Variants in PRKCH observed in about 807,000 individuals in gnomAD.
PRKCH encodes the protein protein kinase C eta type.
Under a neutral mutation model 82.5 loss-of-function variants are expected in PRKCH, and 28 were observed. The observed-to-expected ratio is 0.34, with a 90% CI of 0.25 to 0.47. The LOEUF is 0.47. PRKCH is among the 20% of genes least tolerant of loss of function. The pLI is 1.00. For synonymous variants in PRKCH, 322 were observed against 327.4 expected (o/e 0.98, Z 0.18); for missense variants, 705 against 881.8 (o/e 0.80, Z 2.54).
At chr14:61,548,054 G>C (rs1038411639) in intron 13 of PRKCH, among the ~76,000 whole-genome samples, 168 bp downstream of exon 13, 5 of 152,170 alleles carry the variant, frequency 3.3e-5, no homozygotes, top group Non-Finnish European at 7.4e-5. Flanking sequence ...CTTGTCCATG[G>C]GACAACAATG....
chr14:61,517,717 T>C (rs990884131), intron 10 of PRKCH, among the ~76,000 whole-genome samples: 1 of 152,248 alleles, frequency 6.6e-6, no homozygotes, highest in Non-Finnish European at 1.5e-5. Flanking sequence ...CCATCTGTCC[T>C]TGCCCATGCT....
chr14:61,472,474 G>A (rs922272362), intron 9 of PRKCH, among the ~76,000 whole-genome samples: 1 of 152,196 alleles, frequency 6.6e-6, no homozygotes, highest in Non-Finnish European at 1.5e-5. Flanking sequence ...TTCCCAACCA[G>A]CATGGGAAAA....
intron 2 of PRKCH, among the ~76,000 whole-genome samples, chr14:61,440,532 T>C (rs1190833690): frequency 6.6e-6 from 1 of 152,250 alleles, no homozygotes; most frequent in Non-Finnish European, 1.5e-5. Context: ...AGATCTATTG[T>C]GTAGACTCTA....
chr14:61,230,878 A>G (rs2044737751), intron 1 of PRKCH, among the ~76,000 whole-genome samples: 1 of 152,254 alleles, frequency 6.6e-6, no homozygotes, highest in Non-Finnish European at 1.5e-5. Flanking sequence ...TGAATTACTT[A>G]GTATGGTTGA....
intron 2 of PRKCH, among the ~76,000 whole-genome samples, chr14:61,423,848 A>G (rs1882980179): frequency 6.6e-6 from 1 of 152,182 alleles, no homozygotes; most frequent in Non-Finnish European, 1.5e-5. Flanking sequence ...TTTTAAATAT[A>G]ATAACTGATA....
Position 61,380,006 on chromosome 14 carries a change from G to A in PRKCH, c.364-11219G>A, listed in dbSNP as rs142562471. Among the ~76,000 whole-genome samples the A allele has an allele frequency of 2.7e-3, 408 of 152,198 alleles. 2 individuals carry two copies. The highest frequency in any genetic ancestry group is 0.01 in the Middle Eastern group (3 of 294). On this transcript the variant is annotated intron_variant, in intron 1 of 13. Coordinates refer to ENST00000332981, the MANE Select transcript of PRKCH (RefSeq NM_006255.5). ...GTCTCCTTTGCCATGAGGTCCCTAG[G>A]GACGTCTTATCAGAGGAGAAGAAAA...
intron 1 of PRKCH, among the ~76,000 whole-genome samples, chr14:61,328,518 G>A (rs1407314134): frequency 6.6e-6 from 1 of 150,498 alleles, no homozygotes; most frequent in Non-Finnish European, 1.5e-5. Context: ...AGGTTGGTGG[G>A]TGGAACGTGA....
At chr14:61,412,743 C>T (rs2140234446) in intron 2 of PRKCH, among the ~76,000 whole-genome samples, 1 of 152,352 alleles carries the variant, frequency 6.6e-6, no homozygotes, top group East Asian at 1.9e-4. Context: ...AAAACTTTTA[C>T]ACCTGAAAGC....
chr14:61,378,765 C>T (rs2046459319), intron 1 of PRKCH, among the ~76,000 whole-genome samples: 1 of 152,176 alleles, frequency 6.6e-6, no homozygotes, highest in Admixed American at 6.5e-5. Flanking sequence ...TTCTCTTTCA[C>T]CTCCACCCTA....
At chr14:61,480,720 T>A (rs1336453378) in intron 9 of PRKCH, among the ~76,000 whole-genome samples, 1 of 152,154 alleles carries the variant, frequency 6.6e-6, no homozygotes, top group African/African-American at 2.4e-5. Flanking sequence ...ACCCTGCACT[T>A]CTCATTTGTG....
At chr14:61,547,451 G>A (rs1175820681) in intron 12 of PRKCH, among the ~76,000 whole-genome samples, 1 of 152,162 alleles carries the variant, frequency 6.6e-6, no homozygotes, top group African/African-American at 2.4e-5. Context: ...TTTCTTTAAA[G>A]AGGAAAGAAA....
chr14:61,483,394 G>GT (rs1419494929), intron 9 of PRKCH, among the ~76,000 whole-genome samples: 4 of 152,218 alleles, frequency 2.6e-5, no homozygotes, highest in African/African-American at 9.6e-5. Context: ...ATGGCTTGCT[G>GT]TATTTACATA....
intron 1 of PRKCH, among the ~76,000 whole-genome samples, chr14:61,296,058 A>T (rs544208880): frequency 6.6e-6 from 1 of 152,348 alleles, no homozygotes; most frequent in African/African-American, 2.4e-5. Flanking sequence ...AATCAGTAAA[A>T]TACCAGTTTC....
At position 61,328,848 on chromosome 14, in the gene PRKCH, T is replaced by C. The variant is rs146141728; in HGVS notation, c.363+6384T>C. Among the ~76,000 whole-genome samples the C allele has an allele frequency of 3.3e-3, 507 of 152,032 alleles. 1 individual carries two copies. The highest frequency in any genetic ancestry group is 0.011 in the African/African-American group (462 of 41,446). ...ACAAAAAAATAAAATTAGCCAGGCATGGTAGCACATGCCTCTAGTCCCAGC... is the reference window on the plus strand; with the variant it reads ...ACAAAAAAATAAAATTAGCCAGGCACGGTAGCACATGCCTCTAGTCCCAGC... On this transcript the variant is annotated intron_variant, in intron 1 of 13. Coordinates refer to ENST00000332981, the MANE Select transcript of PRKCH (RefSeq NM_006255.5).
At chr14:61,455,728 C>G (rs539110396) in intron 7 of PRKCH, among the ~76,000 whole-genome samples, 1 of 152,322 alleles carries the variant, frequency 6.6e-6, no homozygotes, top group Admixed American at 6.5e-5. Flanking sequence ...TATCCTTAAT[C>G]CATGACATCC....
chr14:61,510,246 T>A (rs1397314233), intron 10 of PRKCH, among the ~76,000 whole-genome samples: 2 of 152,138 alleles, frequency 1.3e-5, no homozygotes, highest in African/African-American at 4.8e-5. Flanking sequence ...TGCCTTTCAA[T>A]AGAAGCCAAC....
intron 9 of PRKCH, among the ~76,000 whole-genome samples, chr14:61,474,777 C>T (rs1012092219): frequency 6.6e-6 from 1 of 152,150 alleles, no homozygotes; most frequent in Non-Finnish European, 1.5e-5. Context: ...TTTTGTTCCC[C>T]AGCCAGAGGA....
In PRKCH at chr14:61,373,682, C is replaced by A. The variant is rs192249383; in HGVS notation, c.364-17543C>A. 6.7e-4 allele frequency among the ~76,000 whole-genome samples: 102 copies of A among 152,230 alleles called. 2 individuals are homozygous for A. The South Asian group carries it at 7.9e-3, about 12-fold the overall frequency. ...GTGGTGTGATCTTGGCTCACTGAAA[C>A]CTCTGCCTCGCAGGTTCAAGCAATT... On this transcript the variant is annotated intron_variant, in intron 1 of 13. Transcript: ENST00000332981.
At chr14:61,461,979 A>G (rs976128837) in intron 9 of PRKCH, among the ~76,000 whole-genome samples, 1 of 152,262 alleles carries the variant, frequency 6.6e-6, no homozygotes, top group Non-Finnish European at 1.5e-5. Context: ...TTTCTCCACC[A>G]GAGAAACCAA....
Sources: gnomAD v4.1 joint callset for allele counts (sites outside exome capture counted in the v4.1 genomes callset) on GRCh38, gnomAD v4.1.1 for gene constraint, MANE v1.5 for transcripts, NCBI Gene and HGNC (gene_info 2026-07-23, HGNC 2026-07-21) for gene names.